CRPPA: variants seen among roughly 807,000 people sequenced by gnomAD.
CRPPA encodes D-ribitol-5-phosphate cytidylyltransferase.
Under a neutral mutation model 52.0 loss-of-function variants are expected in CRPPA, and 43 were observed. The ratio of observed to expected loss-of-function variants is 0.83; its 90% CI spans 0.65 to 1.07. CRPPA has a LOEUF of 1.07. CRPPA is among the 50% of genes least tolerant of loss of function. The pLI is 0.00. For missense variants in CRPPA, 629 were observed against 551.7 expected (o/e 1.14, Z -1.40); for synonymous variants, 250 against 203.5 (o/e 1.23, Z -1.94).
chr7:16,326,391 C>T (rs1583521168), intron 3 of CRPPA, among the ~76,000 whole-genome samples: 1 of 152,172 alleles, frequency 6.6e-6, no homozygotes, highest in Admixed American at 6.5e-5. Context: ...GGAGGAAATC[C>T]CTCTTAAAGT....
At chr7:16,400,299 C>T (rs115756015) in intron 2 of CRPPA, among the ~76,000 whole-genome samples, 2,778 of 152,260 alleles carry the variant, frequency 0.018, 62 homozygotes, top group African/African-American at 0.05. Flanking sequence ...CAATGAGACA[C>T]GGAACATGAT....
chr7:16,380,906 G>A (rs1303869581), intron 2 of CRPPA, among the ~76,000 whole-genome samples: 8 of 151,540 alleles, frequency 5.3e-5, no homozygotes, highest in African/African-American at 1.5e-4. Context: ...TCTTGCTAGC[G>A]GTCTATCAAT....
intron 1 of CRPPA, among the ~76,000 whole-genome samples, chr7:16,407,058 C>G (rs1787971228): frequency 1.3e-5 from 2 of 152,186 alleles, no homozygotes; most frequent in African/African-American, 4.8e-5. Context: ...TCACTGCAAC[C>G]TCTGCCTCCT....
At chr7:16,213,500 G>A (rs764972754) in intron 9 of CRPPA, among the ~76,000 whole-genome samples, 1 of 151,912 alleles carries the variant, frequency 6.6e-6, no homozygotes, top group Non-Finnish European at 1.5e-5. Context: ...TGTAATCCCA[G>A]CACTTTGGGA....
At chr7:16,188,411 A>G (rs1781546939) in intron 9 of CRPPA, among the ~76,000 whole-genome samples, 1 of 152,144 alleles carries the variant, frequency 6.6e-6, no homozygotes. Context: ...ATAGTTTCAA[A>G]CCATAATTAC....
rs1434801531 is a variant in CRPPA, at chr7:16,089,691, T to C, written c.*2004A>G. 2 of 197,678 alleles carry C rather than the reference T, an allele frequency of 1.0e-5. No homozygotes were observed. The highest frequency in any genetic ancestry group is 4.6e-5 in the African/African-American group (2 of 43,648). 12.2% of individuals were successfully genotyped at this position (197,678 alleles called of 1,614,324 possible). ...GCCTGCTATGAAGGACCAAATGCTATTTTTTCCAGGCACAACTTAATATTT... is the reference window on the plus strand; with the variant it reads ...GCCTGCTATGAAGGACCAAATGCTACTTTTTCCAGGCACAACTTAATATTT... On this transcript the variant is annotated 3_prime_UTR_variant, in exon 10 of 10. Transcript: ENST00000407010.
At chr7:16,276,355 A>T (rs545668537) in intron 6 of CRPPA, among the ~76,000 whole-genome samples, 1 of 152,344 alleles carries the variant, frequency 6.6e-6, no homozygotes, top group African/African-American at 2.4e-5. Context: ...ATAATTAAGA[A>T]AACTGTAGTA....
intron 2 of CRPPA, among the ~76,000 whole-genome samples, chr7:16,382,434 TC>T (rs1437448345): frequency 2.0e-5 from 3 of 152,222 alleles, no homozygotes; most frequent in Non-Finnish European, 4.4e-5. Context: ...ATTTTTTCTT[TC>T]ATTTCAACTT....
intron 9 of CRPPA, among the ~76,000 whole-genome samples, chr7:16,111,472 T>G (rs1451445034): frequency 6.6e-6 from 1 of 152,192 alleles, no homozygotes; most frequent in African/African-American, 2.4e-5. Context: ...CTGCACTCAC[T>G]CCCATGGTCA....
At chr7:16,148,649 A>G (rs1249481915) in intron 9 of CRPPA, among the ~76,000 whole-genome samples, 1 of 152,172 alleles carries the variant, frequency 6.6e-6, no homozygotes, top group Non-Finnish European at 1.5e-5. Flanking sequence ...GGTAATGGCC[A>G]GGGGAAAACA....
chr7:16,156,101 G>T, intron 9 of CRPPA, among the ~76,000 whole-genome samples: 1 of 131,060 alleles, frequency 7.6e-6, no homozygotes, highest in East Asian at 2.4e-4. Context: ...TAGACTTACT[G>T]AGTTATTCAA....
intron 9 of CRPPA, among the ~76,000 whole-genome samples, chr7:16,210,251 G>A (rs1782095990): frequency 6.6e-6 from 1 of 152,076 alleles, no homozygotes; most frequent in African/African-American, 2.4e-5. Context: ...TCTTAATGGG[G>A]GTGAGTAGCA....
At chr7:16,164,660 T>G (rs909615530) in intron 9 of CRPPA, among the ~76,000 whole-genome samples, 1 of 152,172 alleles carries the variant, frequency 6.6e-6, no homozygotes, top group Admixed American at 6.5e-5. Flanking sequence ...TACCTTTGGT[T>G]TTTGATGTTG....
intron 3 of CRPPA, among the ~76,000 whole-genome samples, chr7:16,317,035 G>A (rs904524336): frequency 2.0e-5 from 3 of 152,096 alleles, no homozygotes; most frequent in African/African-American, 2.4e-5. Flanking sequence ...TTAAAGCAAT[G>A]TATAAACTGT....
At chr7:16,311,103 T>C (rs10281901) in intron 3 of CRPPA, among the ~76,000 whole-genome samples, 79,334 of 151,914 alleles carry the variant, frequency 0.52, 21,120 homozygotes, top group East Asian at 0.64. Flanking sequence ...CTCCCACATA[T>C]ACACGACCTC....
intron 3 of CRPPA, among the ~76,000 whole-genome samples, chr7:16,313,378 A>G (rs1785076846): frequency 6.6e-6 from 1 of 151,940 alleles, no homozygotes; most frequent in African/African-American, 2.4e-5. Flanking sequence ...CTCCTTTATT[A>G]TCCTTTTAAT....
At chr7:16,407,163 A>G (rs1043876413) in intron 1 of CRPPA, among the ~76,000 whole-genome samples, 1 of 152,012 alleles carries the variant, frequency 6.6e-6, no homozygotes, top group Non-Finnish European at 1.5e-5. Context: ...TTTTTAGTAG[A>G]GATAGGGTTT....
chr7:16,390,457 A>G (rs1787412970), intron 2 of CRPPA, among the ~76,000 whole-genome samples: 2 of 152,226 alleles, frequency 1.3e-5, no homozygotes, highest in East Asian at 1.9e-4. Context: ...AAGGTCACCA[A>G]TGACCCCCAC....
intron 3 of CRPPA, among the ~76,000 whole-genome samples, chr7:16,313,345 T>C (rs1785075602): frequency 6.6e-6 from 1 of 151,998 alleles, no homozygotes; most frequent in Admixed American, 6.6e-5. Flanking sequence ...ACTAAGTTTT[T>C]AGGCACAGAG....
Sources: gnomAD v4.1 joint callset for allele counts (sites outside exome capture counted in the v4.1 genomes callset) on GRCh38, gnomAD v4.1.1 for gene constraint, MANE v1.5 for transcripts, NCBI Gene and HGNC (gene_info 2026-07-23, HGNC 2026-07-21) for gene names.